Variants in HEXB observed in about 807,000 individuals in gnomAD.
HEXB encodes hexosaminidase subunit beta, also known as beta-hexosaminidase subunit beta.
Under a neutral mutation model 71.2 loss-of-function variants are expected in HEXB, and 51 were observed. The observed-to-expected ratio is 0.72, with a 90% CI of 0.57 to 0.90. The LOEUF (loss-of-function observed/expected upper bound fraction) is 0.90, where lower values mean the gene tolerates loss of function less well. HEXB is among the 40% of genes least tolerant of loss of function. The pLI, the probability that HEXB is intolerant of heterozygous loss-of-function variation, is 0.00. For missense variants in HEXB, 617 were observed against 677.0 expected (o/e 0.91, Z 0.98); for synonymous variants, 266 against 249.3 (o/e 1.07, Z -0.63).
chr5:74,670,098 T>A (rs560992561), intron 1 of HEXB, among the ~76,000 whole-genome samples: 1 of 152,272 alleles, frequency 6.6e-6, no homozygotes, highest in African/African-American at 2.4e-5. Flanking sequence ...ATGGACTGAT[T>A]GAGAACCTCT....
At chr5:74,672,811 T>C (rs1580370901) in intron 1 of HEXB, among the ~76,000 whole-genome samples, 1 of 152,334 alleles carries the variant, frequency 6.6e-6, no homozygotes, top group South Asian at 2.1e-4. Flanking sequence ...TCATCTCATA[T>C]ACAAGACAAA....
chr5:74,666,643 G>A lies in HEXB; in HGVS notation c.-376-22685G>A, dbSNP rs570007823. On this transcript the variant is annotated intron_variant, in intron 1 of 13. Transcript: ENST00000511181. ...CACACTGCAGAGCAGCAGCCTTGGG[G>A]CATTAGCAGAGCTGGCCTTGGCAGC... Among the ~76,000 whole-genome samples, 3 of 152,334 alleles carry A rather than the reference G, an allele frequency of 2.0e-5. No homozygotes were observed. In the South Asian group the frequency reaches 6.2e-4, roughly 32 times the overall value.
intron 6 of HEXB, among the ~76,000 whole-genome samples, chr5:74,710,377 C>G (rs1019832905): frequency 2.7e-4 from 41 of 152,314 alleles, no homozygotes; most frequent in African/African-American, 9.6e-4. Context: ...AAACCTGGCA[C>G]AAGACAGGGA....
chr5:74,693,752 T>C lies in HEXB; in HGVS notation c.511+48T>C, dbSNP rs184923159. The C allele has an allele frequency of 9.4e-5, 127 of 1,348,694 alleles. No individual in the cohort carries two copies. In the East Asian group the frequency reaches 2.9e-3, roughly 31 times the overall value. 83.5% of individuals were successfully genotyped at this position (1,348,694 alleles called of 1,614,324 possible). A position where few individuals can be genotyped will look rare whatever the true frequency, so the allele number is the denominator to read the frequency against. ...GTTACTTTCCAGTAAAGGAAAATTTTCAGTTGGTGCTTTGTGAAATTAAGC... is the reference window on the plus strand; with the variant it reads ...GTTACTTTCCAGTAAAGGAAAATTTCCAGTTGGTGCTTTGTGAAATTAAGC... On this transcript the variant is annotated intron_variant, in intron 3 of 13. Coordinates refer to ENST00000261416, the MANE Select transcript of HEXB (RefSeq NM_000521.4).
Position 74,720,751 on chromosome 5 carries a change from A to T in HEXB, c.1613+4A>T, listed in dbSNP as rs1749817114. ...GGCACCGCTGCAGGATGGTCGAGTA[A>T]GAAATCTATTAAGTCCAGTGTGATT... On this transcript the variant is annotated splice_donor_region_variant and intron_variant, in intron 13 of 13. Coordinates refer to ENST00000261416, the MANE Select transcript of HEXB (RefSeq NM_000521.4). The T allele has an allele frequency of 1.9e-6, 3 of 1,605,976 alleles. No individual in the cohort carries two copies. The highest frequency in any genetic ancestry group is 2.7e-5 in the African/African-American group (2 of 74,810).
intron 7 of HEXB, among the ~76,000 whole-genome samples, chr5:74,714,918 C>T (rs987448333): frequency 6.6e-6 from 1 of 152,072 alleles, no homozygotes; most frequent in African/African-American, 2.4e-5. Context: ...TGATGGGAAC[C>T]ACACTTTGGG....
chr5:74,652,089 T>C lies in HEXB; in HGVS notation c.-377+11531T>C, dbSNP rs1162535649. 6.6e-6 allele frequency among the ~76,000 whole-genome samples: 1 copy of C among 152,208 alleles called. No individual in the cohort carries two copies. The highest frequency in any genetic ancestry group is 1.5e-5 in the Non-Finnish European group (1 of 68,038). ...TCTAATACTCAACTCTGGCATGAGA[T>C]GTCTACGTGGAAATTAAAATGATGA... is the stretch of plus-strand genomic sequence containing the variant. On this transcript the variant is annotated intron_variant, in intron 1 of 13. Coordinates refer to the HEXB transcript ENST00000511181. This position sits in a 1 kb window ranked among gnomAD's most constrained non-coding sequence, Gnocchi z 5.4.
intron 6 of HEXB, among the ~76,000 whole-genome samples, chr5:74,707,895 A>G (rs1245452753): frequency 1.3e-5 from 2 of 152,246 alleles, no homozygotes; most frequent in African/African-American, 4.8e-5. Context: ...AATTTCCCCA[A>G]TCTAGCAAGG....
At chr5:74,693,414 T>C (rs749672518) in intron 2 of HEXB, 70 of 590,640 alleles carry the variant, frequency 1.2e-4, no homozygotes, top group Non-Finnish European at 2.0e-4. Flanking sequence ...GACCAGCAGG[T>C]TGAAGTGTGC....
chr5:74,702,974 T>C lies in HEXB; in HGVS notation c.670-2245T>C, dbSNP rs531873220. On this transcript the variant is annotated intron_variant, in intron 5 of 13. Coordinates refer to ENST00000261416, the MANE Select transcript of HEXB (RefSeq NM_000521.4). ...TGTTTTTTTGTTTGTTTGTTTGAGA[T>C]GGAGTTTCGCTCTTGTCGCCCAGGC... Among the ~76,000 whole-genome samples, 7 of 152,308 alleles carry C rather than the reference T, an allele frequency of 4.6e-5. No individual in the cohort carries two copies. In the South Asian group the frequency reaches 1.4e-3, roughly 32 times the overall value.
At chr5:74,677,739 A>C (rs1388775279) in intron 1 of HEXB, among the ~76,000 whole-genome samples, 1 of 151,884 alleles carries the variant, frequency 6.6e-6, no homozygotes, top group Non-Finnish European at 1.5e-5. Context: ...TTTGGGGTAC[A>C]AGTGGTTTTT....
At position 74,720,536 on chromosome 5, in the gene HEXB, T is replaced by G. The variant is rs751786737; in HGVS notation, c.1508+18T>G. 4 of 1,601,066 alleles carry G rather than the reference T, an allele frequency of 2.5e-6. No individual in the cohort carries two copies. The African/African-American group carries it at 5.4e-5, about 21-fold the overall frequency. On this transcript the variant is annotated intron_variant, in intron 12 of 13. Coordinates refer to ENST00000261416, the MANE Select transcript of HEXB (RefSeq NM_000521.4). ...AGATTATGGTATGGGATTTACCTGA[T>G]AACATTTAAGAATTAAGGTGCCTTA... is the stretch of plus-strand genomic sequence containing the variant.
intron 6 of HEXB, among the ~76,000 whole-genome samples, chr5:74,712,174 C>T (rs1749558773): frequency 1.4e-5 from 2 of 146,944 alleles, no homozygotes; most frequent in African/African-American, 2.6e-5. Context: ...AGTAAACTAT[C>T]ACAAGAACAA....
At chr5:74,664,493 C>A (rs1748399136) in intron 1 of HEXB, among the ~76,000 whole-genome samples, 1 of 145,254 alleles carries the variant, frequency 6.9e-6, no homozygotes, top group African/African-American at 2.5e-5. Context: ...CGCTGTTAAC[C>A]ATTTAAAAAA....
chr5:74,669,284 T>C (rs1268696064), intron 1 of HEXB, among the ~76,000 whole-genome samples: 1 of 152,180 alleles, frequency 6.6e-6, no homozygotes, highest in East Asian at 1.9e-4. Flanking sequence ...TTTTTCGACA[T>C]ACAAAATTTA....
At chr5:74,690,153 TGATTTTGTCCTC>T (rs1748964891) in intron 2 of HEXB, among the ~76,000 whole-genome samples, 1 of 152,216 alleles carries the variant, frequency 6.6e-6, no homozygotes, top group African/African-American at 2.4e-5. Flanking sequence ...TTTAGCTGTA[TGATTTTGTCCTC>T]GTTGTTGCCT....
intron 1 of HEXB, among the ~76,000 whole-genome samples, chr5:74,678,126 G>C (rs10942716): frequency 6.6e-6 from 1 of 151,746 alleles, no homozygotes; most frequent in Non-Finnish European, 1.5e-5. Context: ...GTGAAACCCC[G>C]TCTTTACTAA....
chr5:74,685,048 G>A (rs1748822858), upstream of HEXB: 2 of 538,872 alleles, frequency 3.7e-6, 1 homozygote, highest in South Asian at 5.1e-5. Context: ...TCCTACCCGA[G>A]GGCACCCCTG....
intron 6 of HEXB, among the ~76,000 whole-genome samples, chr5:74,711,014 A>AC (rs1749527107): frequency 6.6e-6 from 1 of 151,380 alleles, no homozygotes; most frequent in African/African-American, 2.4e-5. Flanking sequence ...TGGAGGCATC[A>AC]CGCTACCTGA....
Sources: allele counts gnomAD v4.1 joint callset (sites outside exome capture counted in the v4.1 genomes callset), GRCh38; gene constraint gnomAD v4.1.1; non-coding constraint Gnocchi (gnomAD v3.1); transcripts MANE v1.5; gene names NCBI Gene and HGNC (gene_info 2026-07-23, HGNC 2026-07-21).